FAM20C: variants seen among roughly 807,000 people sequenced by gnomAD.
The protein encoded by FAM20C is extracellular serine/threonine protein kinase FAM20C.
A neutral mutation model predicts 51.5 loss-of-function variants in FAM20C; 40 were observed. The observed-to-expected ratio is 0.78, with a 90% CI of 0.60 to 1.01. FAM20C has a LOEUF of 1.01. Ranked by LOEUF, FAM20C falls within the 50% of genes least tolerant of loss-of-function variation. The probability of loss-of-function intolerance (pLI) is 0.00; values close to 1 mark genes in which losing one functional copy is unlikely to be tolerated. For synonymous variants in FAM20C, 406 were observed against 380.6 expected (o/e 1.07, Z -0.78); for missense variants, 861 against 844.7 (o/e 1.02, Z -0.24).
chr7:237,527 G>C (rs1199055707), intron 3 of FAM20C, among the ~76,000 whole-genome samples: 1 of 151,810 alleles, frequency 6.6e-6, no homozygotes, highest in Non-Finnish European at 1.5e-5. Context: ...GATAACGATG[G>C]TAAAAATGAT....
chr7:203,330 A>G (rs1786214936), intron 2 of FAM20C, among the ~76,000 whole-genome samples: 1 of 152,136 alleles, frequency 6.6e-6, no homozygotes, highest in South Asian at 2.1e-4. Flanking sequence ...GAGCTTTCCA[A>G]GCATCGTGAA....
intron 3 of FAM20C, among the ~76,000 whole-genome samples, chr7:235,722 G>C (rs999046800): frequency 3.9e-5 from 6 of 152,170 alleles, no homozygotes; most frequent in African/African-American, 1.4e-4. Flanking sequence ...GGGACGGTCT[G>C]TCTGGCCTAG....
chr7:259,281 G>T (rs1213181083), intron 9 of FAM20C, among the ~76,000 whole-genome samples: 1 of 152,180 alleles, frequency 6.6e-6, no homozygotes, highest in East Asian at 1.9e-4. Flanking sequence ...GGGCCCCTCT[G>T]GGAAATACAC....
Position 222,382 on chromosome 7 carries a change from G to A in FAM20C, c.863+13406G>A, listed in dbSNP as rs764104261. On this transcript the variant is annotated intron_variant, in intron 3 of 9. Transcript: ENST00000313766. ...GGTACTGAGAGCAGCTGGGGTCACC[G>A]TCAGCCCCCACTGTGGTCCCCAGAC... Among the ~76,000 whole-genome samples, 10 of 152,092 alleles carry A rather than the reference G, an allele frequency of 6.6e-5. No homozygotes were observed. The East Asian group carries it at 1.5e-3, about 23-fold the overall frequency.
At chr7:227,222 G>A (rs988876944) in intron 3 of FAM20C, among the ~76,000 whole-genome samples, 4 of 151,940 alleles carry the variant, frequency 2.6e-5, no homozygotes, top group African/African-American at 9.7e-5. Context: ...TAGTGTGTGG[G>A]CCATCGTTCT....
At chr7:216,634 T>G (rs1786981046) in intron 3 of FAM20C, among the ~76,000 whole-genome samples, 1 of 143,466 alleles carries the variant, frequency 7.0e-6, no homozygotes, top group Non-Finnish European at 1.5e-5. Context: ...TGTGTGTGAG[T>G]GTGTGTGAGT....
chr7:202,964 T>A (rs1358305440), intron 2 of FAM20C, among the ~76,000 whole-genome samples: 3 of 152,208 alleles, frequency 2.0e-5, no homozygotes, highest in Admixed American at 2.0e-4. Context: ...AGAGGCCCAC[T>A]GGGGTTTGAT....
rs866608883 is a variant in FAM20C, at chr7:206,761, C to G, written c.785-2137C>G. ...CACACGTGCTCACTGTCCACTGTGA[C>G]GCGTCTGTCACGGTCCCCTCGGCCC... On this transcript the variant is annotated intron_variant, in intron 2 of 9. Coordinates refer to ENST00000313766, the MANE Select transcript of FAM20C (RefSeq NM_020223.4). 1.6e-3 allele frequency among the ~76,000 whole-genome samples: 181 copies of G among 116,766 alleles called. 5 individuals are homozygous for G. The highest frequency in any genetic ancestry group is 3.5e-3 in the East Asian group (9 of 2,608). The allele number at this position is 116,766 out of a possible 152,430, so 76.6% of individuals were successfully genotyped here. A position where few individuals can be genotyped will look rare whatever the true frequency, so the allele number is the denominator to read the frequency against.
intron 3 of FAM20C, among the ~76,000 whole-genome samples, chr7:231,585 G>T (rs1308287565): frequency 6.6e-6 from 1 of 152,122 alleles, no homozygotes; most frequent in South Asian, 2.1e-4. Context: ...TGCACTGTGT[G>T]GCCTGGCCTG....
chr7:241,558 G>T (rs1025767260), intron 3 of FAM20C, among the ~76,000 whole-genome samples: 1 of 115,166 alleles, frequency 8.7e-6, no homozygotes, highest in Admixed American at 7.8e-5. Flanking sequence ...TGTGGGGGTT[G>T]TGTGTGTGTG....
intron 3 of FAM20C, among the ~76,000 whole-genome samples, chr7:230,422 G>T (rs1011106974): frequency 2.0e-5 from 3 of 149,888 alleles, no homozygotes; most frequent in African/African-American, 7.3e-5. Flanking sequence ...CCTGTCTGTG[G>T]TTATTTATTA....
chr7:225,674 G>C (rs369946924), intron 3 of FAM20C, among the ~76,000 whole-genome samples: 272 of 15,782 alleles, frequency 0.017, 2 homozygotes, highest in African/African-American at 0.028. Flanking sequence ...GAACGGCACC[G>C]TCACGGGGTC....
chr7:204,257 C>T (rs55776762), intron 2 of FAM20C, among the ~76,000 whole-genome samples: 8,388 of 152,302 alleles, frequency 0.055, 300 homozygotes, highest in African/African-American at 0.077. Context: ...GGATGGAGCC[C>T]GTTTACGGAG....
chr7:250,971 G>A (rs139874855), intron 5 of FAM20C, among the ~76,000 whole-genome samples: 1,869 of 152,334 alleles, frequency 0.012, 39 homozygotes, highest in African/African-American at 0.042. Flanking sequence ...CTCGGTTCAG[G>A]ACCGATTGAA....
chr7:208,738 G>A (rs969556608), intron 2 of FAM20C, among the ~76,000 whole-genome samples, 160 bp from the exon 3 acceptor site: 2 of 152,170 alleles, frequency 1.3e-5, no homozygotes, highest in East Asian at 1.9e-4. Context: ...CATCAGCCAG[G>A]CGAGAGCTTC....
chr7:230,899 A>G (rs904946727), intron 3 of FAM20C, among the ~76,000 whole-genome samples: 1 of 152,172 alleles, frequency 6.6e-6, no homozygotes, highest in African/African-American at 2.4e-5. Context: ...TGAAGGGAAA[A>G]GCGCCACATC....
At chr7:241,193 TG>T (rs1230317581) in intron 3 of FAM20C, among the ~76,000 whole-genome samples, 2 of 152,092 alleles carry the variant, frequency 1.3e-5, no homozygotes, top group Non-Finnish European at 2.9e-5. Context: ...GCCCCTTCCC[TG>T]GGGCTTTCAG....
intron 8 of FAM20C, 104 bp downstream of exon 8, chr7:257,190 T>A: frequency 9.0e-7 from 1 of 1,105,908 alleles, no homozygotes; most frequent in Non-Finnish European, 1.3e-6. Context: ...GACCCTCCAG[T>A]GGAGGGATGG....
chr7:259,915 A>C lies in FAM20C; in HGVS notation c.1690A>C (p.Asn564His), dbSNP rs36139924. 7.6e-4 allele frequency: 1,159 copies of C among 1,534,430 alleles called. No individual in the cohort carries two copies. Among genetic ancestry groups the C allele is most frequent in the Non-Finnish European group, 9.3e-4 (1,071 of 1,145,472 alleles). The change falls in exon 10 of 10, where the codon AAC becomes CAC. Residue 564 changes from asparagine to histidine, a missense_variant. Around this residue, in one of 3 missense-constraint regions of FAM20C, gnomAD observed 269 missense variants for 283.8 expected, o/e 0.95. Coordinates refer to ENST00000313766, the MANE Select transcript of FAM20C (RefSeq NM_020223.4). Reference sequence around the variant, plus strand: ...GGCCGTCCGGGACTGCGTGGAGAGGAACGGGCTCCACAGCGTGGTGGATGA... The same window carrying C: ...GGCCGTCCGGGACTGCGTGGAGAGGCACGGGCTCCACAGCGTGGTGGATGA... ...LKAVRDCVER[N>H]GLHSVVDDDL...
Sources: gnomAD v4.1 joint callset for allele counts (sites outside exome capture counted in the v4.1 genomes callset) on GRCh38, gnomAD v4.1.1 for gene constraint, gnomAD v4.1.1 regional missense constraint, MANE v1.5 for transcripts, NCBI Gene and HGNC (gene_info 2026-07-23, HGNC 2026-07-21) for gene names.